Variants in C14orf39 observed in about 807,000 individuals in gnomAD.
C14orf39 encodes protein SIX6OS1.
Under a neutral mutation model 85.6 loss-of-function variants are expected in C14orf39, and 66 were observed. That is an observed-to-expected ratio of 0.77 (90% CI 0.63 to 0.95). The LOEUF (loss-of-function observed/expected upper bound fraction) is 0.95, where lower values mean the gene tolerates loss of function less well. Ranked by LOEUF, C14orf39 falls within the 40% of genes least tolerant of loss-of-function variation. The pLI is 0.00. For missense variants in C14orf39, 735 were observed against 663.9 expected, an observed-to-expected ratio of 1.11 and a Z score of -1.18; for synonymous variants, 242 against 214.0, an observed-to-expected ratio of 1.13 and a Z score of -1.14.
intron 5 of C14orf39, among the ~76,000 whole-genome samples, chr14:60,474,726 C>T (rs572779762): frequency 7.2e-4 from 109 of 151,956 alleles, no homozygotes; most frequent in Non-Finnish European, 1.2e-3. Flanking sequence ...TATGTTGAAC[C>T]AGCCTTGCAT....
At position 60,436,529 on chromosome 14, in the gene C14orf39, T is replaced by C; in HGVS notation, c.*316A>G. 1 of 177,098 alleles carries C rather than the reference T, an allele frequency of 5.6e-6. No individual in the cohort carries two copies. Among genetic ancestry groups the C allele is most frequent in the South Asian group, 1.5e-4 (1 of 6,876 alleles). The allele number at this position is 177,098 out of a possible 1,614,324, so 11.0% of individuals were successfully genotyped here. A position where few individuals can be genotyped will look rare whatever the true frequency, so the allele number is the denominator to read the frequency against. ...CAACAATACTTCCAGAAAAAAACCT[T>C]AGGTTCCAAGGAGAAGCAGGCTTAA... On this transcript the variant is annotated 3_prime_UTR_variant, in exon 18 of 18. Transcript: ENST00000321731.
At chr14:60,461,993 A>C (rs1483331459) in intron 11 of C14orf39, among the ~76,000 whole-genome samples, 1 of 152,126 alleles carries the variant, frequency 6.6e-6, no homozygotes, top group Non-Finnish European at 1.5e-5. Flanking sequence ...AAAGCAAAAC[A>C]ACAGATTAAA....
upstream of C14orf39, among the ~76,000 whole-genome samples, chr14:60,486,962 T>TA (rs1892906708): frequency 6.6e-6 from 1 of 152,164 alleles, no homozygotes; most frequent in South Asian, 2.1e-4. Flanking sequence ...ATCTTTTACT[T>TA]AGTTTTTCCA....
At chr14:60,485,142 G>T in intron 1 of C14orf39, 56 bp from the exon 2 acceptor site, 3 of 1,412,972 alleles carry the variant, frequency 2.1e-6, no homozygotes, top group Non-Finnish European at 2.9e-6. Flanking sequence ...TGCAAAACAG[G>T]ATATATTTCG....
intron 7 of C14orf39, 140 bp downstream of exon 7, chr14:60,471,277 C>A (rs1892062506): frequency 1.3e-6 from 1 of 766,044 alleles, no homozygotes; most frequent in South Asian, 1.9e-5. Context: ...CCAAGATGAC[C>A]TTTAAAATTA....
Position 60,461,512 on chromosome 14 carries a change from C to A in C14orf39, c.1054G>T (p.Val352Phe). Reference sequence around the variant, plus strand: ...TTTCTTATTTTAAAAAGTTACCTGACTTGCATAAACTTTTGTGAACTTGTG... The same window carrying A: ...TTTCTTATTTTAAAAAGTTACCTGAATTGCATAAACTTTTGTGAACTTGTG... Reference protein sequence around the residue: ...TITSSQKFMQVRLLTPQKQSN... With the variant: ...TITSSQKFMQFRLLTPQKQSN... Residue 352 changes from valine (V) to phenylalanine (F), a missense_variant, in exon 12 of 18, where the codon GTC (valine) becomes TTC (phenylalanine). Val to Phe is a conservative substitution (Grantham distance 50). Transcript: ENST00000321731. 1 of 1,589,608 alleles carries A rather than the reference C, an allele frequency of 6.3e-7. No individual in the cohort carries two copies. The highest frequency in any genetic ancestry group is 8.5e-7 in the Non-Finnish European group (1 of 1,169,652).
chr14:60,482,664 T>C (rs1420661553), intron 4 of C14orf39, among the ~76,000 whole-genome samples: 3 of 152,144 alleles, frequency 2.0e-5, no homozygotes, highest in Non-Finnish European at 2.9e-5. Context: ...TATCTGTACA[T>C]GACTGGAAAT....
rs1326387042 is a variant in C14orf39, at chr14:60,436,656, A to T, written c.*189T>A. 1 of 403,500 alleles carries T rather than the reference A, an allele frequency of 2.5e-6. No homozygotes were observed. Among genetic ancestry groups the T allele is most frequent in the Non-Finnish European group, 4.3e-6 (1 of 231,570 alleles). The allele number at this position is 403,500 out of a possible 1,614,324, so 25.0% of individuals were successfully genotyped here. A position where few individuals can be genotyped will look rare whatever the true frequency, so the allele number is the denominator to read the frequency against. ...AAAATCAAAACCAAAATAAATAATGATTAGTTAATAGCACACACAAAACCC... is the reference window on the plus strand; with the variant it reads ...AAAATCAAAACCAAAATAAATAATGTTTAGTTAATAGCACACACAAAACCC... On this transcript the variant is annotated 3_prime_UTR_variant, in exon 18 of 18. Coordinates refer to ENST00000321731, the MANE Select transcript of C14orf39 (RefSeq NM_174978.3).
chr14:60,463,161 A>C (rs1316648803), intron 11 of C14orf39, among the ~76,000 whole-genome samples: 1 of 152,092 alleles, frequency 6.6e-6, no homozygotes, highest in African/African-American at 2.4e-5. Flanking sequence ...CAGGCACTTC[A>C]GTGGTTTAAT....
intron 1 of C14orf39, among the ~76,000 whole-genome samples, chr14:60,505,413 T>A (rs1396779112): frequency 6.6e-6 from 1 of 152,230 alleles, no homozygotes; most frequent in Non-Finnish European, 1.5e-5. Context: ...AAAGTGTAAA[T>A]TTTTAATAGT....
At chr14:60,444,292 A>G (rs1051555086) in intron 16 of C14orf39, among the ~76,000 whole-genome samples, 1 of 152,182 alleles carries the variant, frequency 6.6e-6, no homozygotes, top group Non-Finnish European at 1.5e-5. Context: ...AAAGAAGCTA[A>G]AAACCTTGAA....
intron 11 of C14orf39, among the ~76,000 whole-genome samples, chr14:60,463,645 T>C (rs540270321): frequency 6.0e-4 from 92 of 152,246 alleles, no homozygotes; most frequent in African/African-American, 2.1e-3. Context: ...TTTTGACATA[T>C]GGACATACAG....
chr14:60,470,136 G>C (rs990823693), intron 7 of C14orf39, among the ~76,000 whole-genome samples: 1 of 151,670 alleles, frequency 6.6e-6, no homozygotes, highest in African/African-American at 2.4e-5. Flanking sequence ...TTCTTGCTCT[G>C]TAAGGCTCAT....
At chr14:60,473,070 T>C (rs1271493740) in intron 5 of C14orf39, among the ~76,000 whole-genome samples, 4 of 152,154 alleles carry the variant, frequency 2.6e-5, no homozygotes, top group African/African-American at 9.7e-5. Flanking sequence ...GCACCTGTTG[T>C]TTCCTGACTT....
intron 5 of C14orf39, among the ~76,000 whole-genome samples, chr14:60,473,168 T>C (rs1892188090): frequency 6.6e-6 from 1 of 152,222 alleles, no homozygotes; most frequent in Non-Finnish European, 1.5e-5. Flanking sequence ...ATGATGAGCA[T>C]TTTTTCATGT....
chr14:60,498,736 T>A (rs1010572616), intron 2 of C14orf39, among the ~76,000 whole-genome samples: 4 of 152,206 alleles, frequency 2.6e-5, no homozygotes, highest in African/African-American at 9.7e-5. Flanking sequence ...AAACTTTTAC[T>A]GAAGGACATT....
chr14:60,466,368 T>C (rs980159997), intron 10 of C14orf39, among the ~76,000 whole-genome samples: 3 of 151,940 alleles, frequency 2.0e-5, no homozygotes, highest in South Asian at 2.1e-4. Flanking sequence ...ATATAATGTA[T>C]TAGGTTGGTG....
chr14:60,514,566 C>T (rs776159311), intron 1 of C14orf39, among the ~76,000 whole-genome samples: 1 of 152,152 alleles, frequency 6.6e-6, no homozygotes, highest in Non-Finnish European at 1.5e-5. Context: ...ACTCCACTTC[C>T]ACCCGTCACT....
Position 60,480,287 on chromosome 14 carries a change from T to C in C14orf39, c.234-1898A>G, listed in dbSNP as rs377041076. Among the ~76,000 whole-genome samples the C allele has an allele frequency of 6.1e-3, 935 of 152,204 alleles. 20 individuals are homozygous for C. The highest frequency in any genetic ancestry group is 0.021 in the African/African-American group (883 of 41,524). On this transcript the variant is annotated intron_variant, in intron 4 of 17. Coordinates refer to ENST00000321731, the MANE Select transcript of C14orf39 (RefSeq NM_174978.3). ...AAATACAAAAATTAGCTGGGCATGG[T>C]GGTGCATGCCTGTAATCCCAGCTAC... is the stretch of plus-strand genomic sequence containing the variant.
Sources: allele counts gnomAD v4.1 joint callset (sites outside exome capture counted in the v4.1 genomes callset), GRCh38; gene constraint gnomAD v4.1.1; transcripts MANE v1.5; gene names NCBI Gene and HGNC (gene_info 2026-07-23, HGNC 2026-07-21).